Variants in TNRC6A observed in about 807,000 individuals in gnomAD.
The protein encoded by TNRC6A is trinucleotide repeat containing adaptor 6A.
In TNRC6A, 44 loss-of-function variants were observed where a neutral mutation model predicts 221.2. The ratio of observed to expected loss-of-function variants is 0.20; its 90% CI spans 0.16 to 0.26. The LOEUF is 0.26. Among genes scored for constraint, TNRC6A ranks in the 10% least tolerant of loss-of-function variants. TNRC6A has a pLI of 1.00. For missense variants in TNRC6A, 2,199 were observed against 2,404.4 expected, an observed-to-expected ratio of 0.91 and a Z score of 1.79; for synonymous variants, 847 against 838.5, an observed-to-expected ratio of 1.01 and a Z score of -0.18.
In TNRC6A at chr16:24,790,854, A is replaced by T. The variant is rs753252167; in HGVS notation, c.2212A>T (p.Thr738Ser). ...IKQNTAWDTE[T>S]SPRGERKTDN... ...GCAGAATACTGCCTGGGATACAGAA[A>T]CATCACCTAGAGGGGAACGAAAGAC... The change falls in exon 6 of 25, where the codon ACA (threonine) becomes TCA (serine). Residue 738 changes from threonine (T) to serine (S), a missense_variant. Thr to Ser is a moderately conservative substitution (Grantham distance 58). Transcript: ENST00000395799. 5.6e-6 allele frequency: 9 copies of T among 1,614,034 alleles called. No individual in the cohort carries two copies. The highest frequency in any genetic ancestry group is 5.9e-6 in the Non-Finnish European group (7 of 1,180,044).
chr16:24,815,231 C>T lies in TNRC6A; in HGVS notation c.4757C>T (p.Pro1586Leu). The T allele has an allele frequency of 6.2e-7, 1 of 1,614,238 alleles. No individual in the cohort carries two copies. The highest frequency in any genetic ancestry group is 8.5e-7 in the Non-Finnish European group (1 of 1,180,042). ...AACAGCAGTACTTCACCAGCCAGTC[C>T]TCCAGGTTCAATAGGAGATGGCTGG... ...FMNSSTSPAS[P>L]PGSIGDGWPR... Residue 1586 changes from proline to leucine, a missense_variant, in exon 19 of 25, where the codon CCT (proline) becomes CTT (leucine). Pro to Leu is a moderately conservative substitution (Grantham distance 98). Coordinates refer to ENST00000395799, the MANE Select transcript of TNRC6A (RefSeq NM_014494.4).
chr16:24,797,871 T>C, intron 10 of TNRC6A, 44 bp from the exon 11 acceptor site: 1 of 1,522,800 alleles, frequency 6.6e-7, no homozygotes, highest in South Asian at 1.3e-5. Context: ...TTGTTTTCAT[T>C]GATAAATTAA....
chr16:24,675,321 T>G (rs956573910), intron 2 of TNRC6A, among the ~76,000 whole-genome samples: 1 of 152,152 alleles, frequency 6.6e-6, no homozygotes. Flanking sequence ...GATTCTTAGA[T>G]AGTACGTGCC....
chr16:24,816,672 C>T (rs2058665278), intron 19 of TNRC6A, 144 bp from the exon 20 acceptor site: 3 of 974,188 alleles, frequency 3.1e-6, no homozygotes, highest in Non-Finnish European at 2.9e-6. Context: ...ATTGTATTAA[C>T]TGAACCATCC....
intron 2 of TNRC6A, among the ~76,000 whole-genome samples, chr16:24,741,722 A>C (rs1234299335): frequency 6.6e-6 from 1 of 152,036 alleles, no homozygotes; most frequent in Non-Finnish European, 1.5e-5. Context: ...TTTATTTTCT[A>C]CTGTATGCAC....
chr16:24,647,421 G>A (rs888163212), intron 2 of TNRC6A, among the ~76,000 whole-genome samples: 1 of 152,004 alleles, frequency 6.6e-6, no homozygotes. Flanking sequence ...CTATTTAAAA[G>A]GTTTTTGCTC....
intron 11 of TNRC6A, among the ~76,000 whole-genome samples, chr16:24,798,670 T>C (rs1482830085): frequency 6.6e-6 from 1 of 152,128 alleles, no homozygotes; most frequent in Non-Finnish European, 1.5e-5. Context: ...CATGGAGACA[T>C]AGGACTTGGA....
chr16:24,690,355 A>T (rs752607002), intron 2 of TNRC6A, among the ~76,000 whole-genome samples: 4 of 152,168 alleles, frequency 2.6e-5, no homozygotes, highest in Non-Finnish European at 5.9e-5. Flanking sequence ...ATAACAAGGA[A>T]GGGAAATTAT....
At chr16:24,738,273 A>G (rs979895409) in intron 2 of TNRC6A, among the ~76,000 whole-genome samples, 1 of 152,158 alleles carries the variant, frequency 6.6e-6, no homozygotes, top group Non-Finnish European at 1.5e-5. Flanking sequence ...CAACTTTTAA[A>G]TAACAGCTTT....
rs138150147 is a variant in TNRC6A, at chr16:24,682,894, G to A, written n.402+41885G>A. 1.6e-4 allele frequency among the ~76,000 whole-genome samples: 24 copies of A among 152,232 alleles called. No individual in the cohort carries two copies. In the East Asian group the frequency reaches 2.9e-3, roughly 18 times the overall value. ...CACTTAGCCTCCCAAGACACAAGGC[G>A]TACACCAAGTGTTCGATAAATGCAT... On this transcript the variant is annotated intron_variant and non_coding_transcript_variant, in intron 2 of 2. Coordinates refer to the TNRC6A transcript ENST00000566108.
In TNRC6A at chr16:24,806,582, T is replaced by C. The variant is rs370025906; in HGVS notation, c.4338T>C (p.Pro1446=). The part of the protein sequence containing the change: ...NRPQQDQQGR[P]LSVQQQMMQQ... ...CATTTCATTGTTTTAAGGGTCGACC[T>C]CTTAGTGTGCAGCAGCAAATGATGC... The change falls in exon 17 of 25, where the codon CCT becomes CCC. Residue 1446 remains proline, a synonymous_variant. Transcript: ENST00000395799. 5 of 1,614,086 alleles carry C rather than the reference T, an allele frequency of 3.1e-6. No individual in the cohort carries two copies. Among genetic ancestry groups the C allele is most frequent in the Non-Finnish European group, 4.2e-6 (5 of 1,180,046 alleles).
intron 2 of TNRC6A, among the ~76,000 whole-genome samples, chr16:24,743,453 G>A (rs1010107982): frequency 2.0e-5 from 3 of 152,156 alleles, no homozygotes; most frequent in Admixed American, 6.5e-5. Context: ...ATCCTCTCGA[G>A]TAGTTGGGAC....
chr16:24,790,995 G>A lies in TNRC6A; in HGVS notation c.2353G>A (p.Asp785Asn), dbSNP rs201394419. 6.9e-5 allele frequency: 110 copies of A among 1,597,152 alleles called. No homozygotes were observed. Among genetic ancestry groups the A allele is most frequent in the Non-Finnish European group, 8.3e-5 (97 of 1,171,648 alleles). ...TACCTCATCTGTATCAGGGTGGGGC[G>A]ATCCCAAACCTGCTCTGAGGTGGGG... ...NDTSSVSGWG[D>N]PKPALRWGDS... Residue 785 changes from aspartate (D) to asparagine (N), a missense_variant, in exon 6 of 25, where the codon GAT becomes AAT. By Grantham distance (23) the Asp-to-Asn change is conservative. Coordinates refer to ENST00000395799, the MANE Select transcript of TNRC6A (RefSeq NM_014494.4).
intron 1 of TNRC6A, among the ~76,000 whole-genome samples, chr16:24,637,258 C>T (rs1395063419): frequency 6.6e-6 from 1 of 152,138 alleles, no homozygotes; most frequent in East Asian, 1.9e-4. Context: ...GTCTCGAACT[C>T]CTGGCCTCAA....
intron 4 of TNRC6A, chr16:24,776,718 C>G (rs1596679489): frequency 1.0e-6 from 1 of 985,330 alleles, no homozygotes; most frequent in Non-Finnish European, 1.2e-6. Context: ...TCCCTGGGCC[C>G]TTATTGGGTA....
chr16:24,709,520 AAAAT>A, intron 2 of TNRC6A, among the ~76,000 whole-genome samples: 1 of 152,234 alleles, frequency 6.6e-6, no homozygotes, highest in Admixed American at 6.5e-5. Flanking sequence ...TAAGTGAGGA[AAAAT>A]AAATAAAATG....
intron 1 of TNRC6A, chr16:24,640,810 C>T (rs776811893): frequency 6.6e-6 from 1 of 152,064 alleles, no homozygotes; most frequent in Non-Finnish European, 1.5e-5. Context: ...ATAGGCATCA[C>T]TGGTTGTGTC....
At chr16:24,720,257 C>A (rs1170062894) in intron 2 of TNRC6A, among the ~76,000 whole-genome samples, 2 of 151,966 alleles carry the variant, frequency 1.3e-5, no homozygotes, top group Non-Finnish European at 2.9e-5. Flanking sequence ...TAAACATTAG[C>A]CAGGCATGGC....
intron 2 of TNRC6A, among the ~76,000 whole-genome samples, chr16:24,740,534 C>G (rs1014425583): frequency 6.6e-6 from 1 of 151,998 alleles, no homozygotes; most frequent in African/African-American, 2.4e-5. Context: ...GGAATTTATT[C>G]CTAAAACTTT....
Sources: allele counts gnomAD v4.1 joint callset (sites outside exome capture counted in the v4.1 genomes callset), GRCh38; gene constraint gnomAD v4.1.1; transcripts MANE v1.5; gene names NCBI Gene and HGNC (gene_info 2026-07-23, HGNC 2026-07-21).